ATRN: variants seen among roughly 807,000 people sequenced by gnomAD.
ATRN encodes attractin-2.
In ATRN, 54 loss-of-function variants were observed where a neutral mutation model predicts 178.7. That is an observed-to-expected ratio of 0.30 (90% CI 0.24 to 0.38). The LOEUF is 0.38. Among genes scored for constraint, ATRN ranks in the 10% least tolerant of loss-of-function variants. The probability of loss-of-function intolerance (pLI) is 1.00; values close to 1 mark genes in which losing one functional copy is unlikely to be tolerated. For synonymous variants in ATRN, 636 were observed against 663.0 expected, an observed-to-expected ratio of 0.96 and a Z score of 0.63; for missense variants, 1,443 against 1,815.1, an observed-to-expected ratio of 0.79 and a Z score of 3.73.
At chr20:3,543,567 C>CA (rs956148474) in intron 3 of ATRN, among the ~76,000 whole-genome samples, 50 of 151,294 alleles carry the variant, frequency 3.3e-4, no homozygotes, top group South Asian at 1.7e-3. Flanking sequence ...ACTAAAAATA[C>CA]AAAAAAAATC....
At chr20:3,592,877 T>C (rs1318545952) in intron 19 of ATRN, among the ~76,000 whole-genome samples, 1 of 152,232 alleles carries the variant, frequency 6.6e-6, no homozygotes, top group Non-Finnish European at 1.5e-5. Context: ...AATGCCATTC[T>C]CCACTACTCC....
chr20:3,527,924 T>C (rs1187026098), intron 1 of ATRN, among the ~76,000 whole-genome samples: 1 of 52,138 alleles, frequency 1.9e-5, no homozygotes, highest in Admixed American at 2.4e-4. Flanking sequence ...GTTGGGAGGG[T>C]GGGGGGCTAG....
At chr20:3,643,351 A>G (rs1215478890) in intron 27 of ATRN, among the ~76,000 whole-genome samples, 1 of 152,156 alleles carries the variant, frequency 6.6e-6, no homozygotes, top group Non-Finnish European at 1.5e-5. Flanking sequence ...GTTTTAAGCA[A>G]CTAAGTTTGC....
At chr20:3,609,863 A>G (rs1031716409) in intron 24 of ATRN, among the ~76,000 whole-genome samples, 2 of 152,206 alleles carry the variant, frequency 1.3e-5, no homozygotes, top group Admixed American at 6.5e-5. Context: ...CAAGAGGACA[A>G]ATATTGAATG....
chr20:3,562,239 C>T, intron 8 of ATRN, 37 bp from the exon 9 acceptor site: 2 of 1,557,294 alleles, frequency 1.3e-6, no homozygotes, highest in Non-Finnish European at 1.8e-6. Context: ...AGAGGAGGAG[C>T]CTGCCATGCT....
chr20:3,594,340 T>A, intron 19 of ATRN, 139 bp from the exon 20 acceptor site: 1 of 556,270 alleles, frequency 1.8e-6, no homozygotes, highest in South Asian at 3.0e-5. Flanking sequence ...TCATGAATCT[T>A]ACCCATTGAA....
chr20:3,514,732 G>A (rs1263880395), intron 1 of ATRN, among the ~76,000 whole-genome samples: 4 of 152,170 alleles, frequency 2.6e-5, no homozygotes, highest in African/African-American at 4.8e-5. Context: ...GGCTGAGGTG[G>A]GAAGATTGCT....
chr20:3,570,007 G>GT (rs2086096945), intron 11 of ATRN, among the ~76,000 whole-genome samples: 2 of 151,500 alleles, frequency 1.3e-5, no homozygotes, highest in Non-Finnish European at 2.9e-5. Flanking sequence ...GGAATTTGAG[G>GT]TTGCACTGAG....
chr20:3,583,431 A>G (rs534564739), intron 16 of ATRN, among the ~76,000 whole-genome samples: 1 of 152,354 alleles, frequency 6.6e-6, no homozygotes, highest in South Asian at 2.1e-4. Context: ...ACACTTGACT[A>G]AACAGTACTT....
chr20:3,498,575 C>T (rs1416224100), intron 1 of ATRN, among the ~76,000 whole-genome samples: 2 of 152,012 alleles, frequency 1.3e-5, no homozygotes, highest in African/African-American at 4.8e-5. Context: ...GAACCAAAGA[C>T]AAAAACCACA....
chr20:3,610,267 A>C (rs2086743378), intron 24 of ATRN, among the ~76,000 whole-genome samples: 1 of 152,222 alleles, frequency 6.6e-6, no homozygotes, highest in Admixed American at 6.5e-5. Context: ...AATGGGAAGA[A>C]TCAACCTACC....
chr20:3,606,437 A>ACC (rs1568760384), intron 24 of ATRN, among the ~76,000 whole-genome samples: 1 of 151,930 alleles, frequency 6.6e-6, no homozygotes, highest in African/African-American at 2.4e-5. Context: ...TTCTCTCTTC[A>ACC]CTGTTTCCTG....
chr20:3,549,551 C>T (rs2085758481), intron 6 of ATRN, among the ~76,000 whole-genome samples: 1 of 152,140 alleles, frequency 6.6e-6, no homozygotes, highest in African/African-American at 2.4e-5. Flanking sequence ...AAGCATTCAC[C>T]TCTTTTCAAA....
At chr20:3,583,582 G>A (rs2086309968) in intron 16 of ATRN, among the ~76,000 whole-genome samples, 1 of 152,200 alleles carries the variant, frequency 6.6e-6, no homozygotes, top group Admixed American at 6.5e-5. Context: ...GCCAAGACGG[G>A]TGGATCACAA....
intron 1 of ATRN, among the ~76,000 whole-genome samples, chr20:3,513,499 T>G (rs1165873882): frequency 6.6e-6 from 1 of 152,226 alleles, no homozygotes; most frequent in Non-Finnish European, 1.5e-5. Flanking sequence ...CCATGCTGTT[T>G]TGGTTACTGT....
intron 12 of ATRN, among the ~76,000 whole-genome samples, chr20:3,573,394 T>A (rs1229247452): frequency 1.3e-5 from 2 of 152,242 alleles, no homozygotes; most frequent in Non-Finnish European, 2.9e-5. Context: ...AATTTAATTT[T>A]AATTTAAAAG....
At chr20:3,636,857 CTG>C (rs2087028875) in intron 26 of ATRN, among the ~76,000 whole-genome samples, 1 of 152,152 alleles carries the variant, frequency 6.6e-6, no homozygotes, top group African/African-American at 2.4e-5. Flanking sequence ...ATGTTCTAGA[CTG>C]TGCACTAAGT....
intron 11 of ATRN, among the ~76,000 whole-genome samples, chr20:3,571,086 T>C (rs547323045): frequency 5.9e-4 from 90 of 152,350 alleles, no homozygotes; most frequent in Non-Finnish European, 1.2e-3. Context: ...TAGAAGTATG[T>C]AGAAATTTTC....
At chr20:3,602,714 A>G (rs1394239475) in intron 23 of ATRN, among the ~76,000 whole-genome samples, 1 of 152,072 alleles carries the variant, frequency 6.6e-6, no homozygotes. Context: ...CTGTAATCCT[A>G]GCACTTTGGG....
Sources: gnomAD v4.1 joint callset for allele counts (sites outside exome capture counted in the v4.1 genomes callset) on GRCh38, gnomAD v4.1.1 for gene constraint, MANE v1.5 for transcripts, NCBI Gene and HGNC (gene_info 2026-07-23, HGNC 2026-07-21) for gene names.